TASP1: variants seen among roughly 807,000 people sequenced by gnomAD.
The protein encoded by TASP1 is threonine aspartase 1.
In TASP1, 16 loss-of-function variants were observed where a neutral mutation model predicts 56.6. The observed-to-expected ratio is 0.28, with a 90% CI of 0.19 to 0.43. The LOEUF (loss-of-function observed/expected upper bound fraction) is 0.43. Ranked by LOEUF, TASP1 falls within the 20% of genes least tolerant of loss-of-function variation. The pLI, the probability that TASP1 is intolerant of heterozygous loss-of-function variation, is 1.00. For synonymous variants in TASP1, 179 were observed against 184.2 expected, an observed-to-expected ratio of 0.97 and a Z score of 0.23; for missense variants, 393 against 511.6, an observed-to-expected ratio of 0.77 and a Z score of 2.24.
the TASP1 span, among the ~76,000 whole-genome samples, chr20:13,374,195 T>C: frequency 0.016 from 2,369 of 152,292 alleles, 49 homozygotes; most frequent in African/African-American, 0.055. Context: ...ATATTTATAA[T>C]GGCTACTTTA....
At chr20:13,553,785 A>G (rs1794442319) in intron 8 of TASP1, among the ~76,000 whole-genome samples, 1 of 152,234 alleles carries the variant, frequency 6.6e-6, no homozygotes, top group African/African-American at 2.4e-5. Context: ...ACTTATCTCC[A>G]TTAATGCTAT....
At chr20:13,516,458 C>A (rs1438653703) in intron 10 of TASP1, among the ~76,000 whole-genome samples, 1 of 152,070 alleles carries the variant, frequency 6.6e-6, no homozygotes, top group Admixed American at 6.6e-5. Context: ...GAAAATCCAG[C>A]CCTGTTTCTG....
chr20:13,610,469 G>A (rs111417551), intron 4 of TASP1, among the ~76,000 whole-genome samples: 13 of 152,110 alleles, frequency 8.5e-5, no homozygotes, highest in African/African-American at 2.9e-4. Flanking sequence ...ACACAAGGCC[G>A]GCCATGTTCA....
At chr20:13,238,881 C>T in the TASP1 span, 2 of 152,248 alleles carry the variant, frequency 1.3e-5, no homozygotes, top group African/African-American at 4.8e-5. Context: ...CCCATTACTC[C>T]TGAAAAGGTT....
At chr20:13,557,572 GTTTTTTT>G (rs972801507) in intron 8 of TASP1, among the ~76,000 whole-genome samples, 2 of 99,738 alleles carry the variant, frequency 2.0e-5, no homozygotes, top group South Asian at 3.2e-4. Flanking sequence ...GATGTTTTTG[GTTTTTTT>G]TTTTTTTTTT....
At chr20:13,549,072 C>A (rs2045896857) in intron 8 of TASP1, among the ~76,000 whole-genome samples, 1 of 152,100 alleles carries the variant, frequency 6.6e-6, no homozygotes, top group Non-Finnish European at 1.5e-5. Flanking sequence ...ATGGTAATTA[C>A]CTAGTTCAAC....
the TASP1 span, among the ~76,000 whole-genome samples, chr20:13,295,832 G>C: frequency 6.6e-6 from 1 of 152,198 alleles, no homozygotes; most frequent in Non-Finnish European, 1.5e-5. Flanking sequence ...GCAGCCAGGG[G>C]GTGGATGTTA....
At chr20:13,401,441 T>C (rs1353958101) in intron 13 of TASP1, among the ~76,000 whole-genome samples, 1 of 152,170 alleles carries the variant, frequency 6.6e-6, no homozygotes, top group East Asian at 1.9e-4. Context: ...TACTATGTGT[T>C]GGGCCCTGTG....
the TASP1 span, among the ~76,000 whole-genome samples, chr20:13,348,949 T>C: frequency 2.0e-5 from 3 of 152,182 alleles, no homozygotes; most frequent in Non-Finnish European, 4.4e-5. Context: ...ACCCCCAACA[T>C]GCTGGTATTT....
At chr20:13,303,745 C>G in the TASP1 span, among the ~76,000 whole-genome samples, 1 of 152,150 alleles carries the variant, frequency 6.6e-6, no homozygotes, top group Non-Finnish European at 1.5e-5. Flanking sequence ...ACGCCAGATA[C>G]CAGGGATACA....
intron 9 of TASP1, among the ~76,000 whole-genome samples, chr20:13,531,128 C>A (rs953850236): frequency 1.3e-5 from 2 of 152,136 alleles, no homozygotes; most frequent in Non-Finnish European, 2.9e-5. Flanking sequence ...GCTGTTATTA[C>A]TAGGGGCTAT....
the TASP1 span, among the ~76,000 whole-genome samples, chr20:13,263,881 T>C: frequency 6.6e-6 from 1 of 152,252 alleles, no homozygotes. Flanking sequence ...ATAATCTCTG[T>C]TGTTTGTTGT....
the TASP1 span, among the ~76,000 whole-genome samples, chr20:13,110,804 C>T: frequency 3.1e-4 from 47 of 152,216 alleles, no homozygotes; most frequent in African/African-American, 1.1e-3. Context: ...AGTGCCCAAT[C>T]CTGAATCAAT....
chr20:13,284,119 T>C, the TASP1 span, among the ~76,000 whole-genome samples: 1 of 152,206 alleles, frequency 6.6e-6, no homozygotes, highest in Non-Finnish European at 1.5e-5. Context: ...ACAGGGTTGT[T>C]GTAGGAGTTA....
chr20:13,619,078 T>C (rs902806622), intron 4 of TASP1, among the ~76,000 whole-genome samples: 1 of 152,146 alleles, frequency 6.6e-6, no homozygotes, highest in Non-Finnish European at 1.5e-5. Context: ...TTTCACCATA[T>C]TGGCCAGGCT....
chr20:13,629,030 A>C (rs2048993770), intron 2 of TASP1, among the ~76,000 whole-genome samples: 1 of 152,200 alleles, frequency 6.6e-6, no homozygotes, highest in Admixed American at 6.5e-5. Flanking sequence ...AAGTCTCTTA[A>C]GTCACTTAAT....
chr20:13,293,312 T>G, the TASP1 span, among the ~76,000 whole-genome samples: 1 of 151,650 alleles, frequency 6.6e-6, no homozygotes, highest in Non-Finnish European at 1.5e-5. Context: ...CCAAACAAAA[T>G]GGAAAGTGAC....
At chr20:13,107,946 G>A in the TASP1 span, among the ~76,000 whole-genome samples, 1 of 151,714 alleles carries the variant, frequency 6.6e-6, no homozygotes, top group African/African-American at 2.4e-5. Flanking sequence ...CATTATTTAT[G>A]TGATGTTTTC....
chr20:13,485,937 GA>G (rs2043305399), intron 10 of TASP1, among the ~76,000 whole-genome samples: 1 of 152,166 alleles, frequency 6.6e-6, no homozygotes, highest in Non-Finnish European at 1.5e-5. Context: ...AACATTACAT[GA>G]AAACTACACA....
Sources: allele counts gnomAD v4.1 joint callset (sites outside exome capture counted in the v4.1 genomes callset), GRCh38; gene constraint gnomAD v4.1.1; transcripts MANE v1.5; gene names NCBI Gene and HGNC (gene_info 2026-07-23, HGNC 2026-07-21).